TECRL: variants seen among roughly 807,000 people sequenced by gnomAD.
The protein encoded by TECRL is trans-2,3-enoyl-CoA reductase-like.
TECRL carries 63 observed loss-of-function variants against 52.8 expected under a neutral mutation model. That is an observed-to-expected ratio of 1.19 (90% CI 0.97 to 1.47). TECRL has a LOEUF of 1.47. TECRL is among the 40% of genes most tolerant of loss of function. TECRL has a pLI of 0.00. For missense variants in TECRL, 482 were observed against 429.6 expected (o/e 1.12, Z -1.08); for synonymous variants, 164 against 141.9 (o/e 1.16, Z -1.10).
At chr4:64,286,338 A>T (rs1051735067) in intron 9 of TECRL, among the ~76,000 whole-genome samples, 6 of 152,096 alleles carry the variant, frequency 3.9e-5, no homozygotes, top group Non-Finnish European at 7.4e-5. Context: ...TTTGCTTAAG[A>T]ATGTAATATT....
chr4:64,283,433 T>A (rs1234127600), intron 9 of TECRL, among the ~76,000 whole-genome samples: 4 of 152,026 alleles, frequency 2.6e-5, no homozygotes, highest in African/African-American at 9.7e-5. Flanking sequence ...TGATGGTAGG[T>A]TCAGACAGAC....
chr4:64,336,739 T>C (rs1719118101), intron 2 of TECRL, among the ~76,000 whole-genome samples: 1 of 152,200 alleles, frequency 6.6e-6, no homozygotes, highest in African/African-American at 2.4e-5. Context: ...AAGAACATCT[T>C]TATTTCTGCC....
intron 2 of TECRL, among the ~76,000 whole-genome samples, chr4:64,369,600 G>T (rs1291560888): frequency 6.6e-6 from 1 of 152,094 alleles, no homozygotes; most frequent in East Asian, 1.9e-4. Context: ...AGTGGTCATA[G>T]TACAGGGTAC....
At chr4:64,381,975 C>A (rs994873879) in intron 1 of TECRL, among the ~76,000 whole-genome samples, 1 of 151,408 alleles carries the variant, frequency 6.6e-6, no homozygotes, top group Non-Finnish European at 1.5e-5. Flanking sequence ...GAATTCCTTT[C>A]TTTTAGAATT....
At chr4:64,325,250 G>T (rs990528359) in intron 3 of TECRL, among the ~76,000 whole-genome samples, 5 of 152,140 alleles carry the variant, frequency 3.3e-5, no homozygotes, top group African/African-American at 4.8e-5. Flanking sequence ...ATGCAAAAGG[G>T]TGCTCTCACC....
chr4:64,341,927 ACACT>A (rs1246042862), intron 2 of TECRL, among the ~76,000 whole-genome samples: 2 of 129,592 alleles, frequency 1.5e-5, no homozygotes, highest in East Asian at 4.0e-4. Flanking sequence ...GCCTGATCCA[ACACT>A]CACTCACACA....
intron 2 of TECRL, among the ~76,000 whole-genome samples, chr4:64,343,189 C>G (rs987831720): frequency 6.6e-6 from 1 of 152,020 alleles, no homozygotes; most frequent in Non-Finnish European, 1.5e-5. Context: ...ATTTCTAAGA[C>G]AGAGCACCTG....
intron 2 of TECRL, among the ~76,000 whole-genome samples, chr4:64,329,454 A>G (rs1397868452): frequency 6.6e-6 from 1 of 151,894 alleles, no homozygotes; most frequent in Non-Finnish European, 1.5e-5. Flanking sequence ...CAGAGCCTCT[A>G]TTAATAGGTA....
intron 2 of TECRL, among the ~76,000 whole-genome samples, chr4:64,367,523 A>T (rs1721682247): frequency 1.3e-5 from 2 of 150,996 alleles, no homozygotes; most frequent in Non-Finnish European, 2.9e-5. Context: ...AAAGTGTCAT[A>T]TATCACATAA....
At chr4:64,383,553 T>C (rs1456455265) in intron 1 of TECRL, among the ~76,000 whole-genome samples, 1 of 151,976 alleles carries the variant, frequency 6.6e-6, no homozygotes, top group Non-Finnish European at 1.5e-5. Flanking sequence ...AAGCTCTCCA[T>C]TGTATTTTTA....
intron 1 of TECRL, among the ~76,000 whole-genome samples, chr4:64,384,396 T>A (rs376796075): frequency 6.6e-6 from 1 of 152,058 alleles, no homozygotes; most frequent in South Asian, 2.1e-4. Context: ...AGGCCCCAAG[T>A]TGGCATATGC....
intron 2 of TECRL, among the ~76,000 whole-genome samples, chr4:64,339,881 T>C (rs1719429773): frequency 6.6e-6 from 1 of 152,154 alleles, no homozygotes; most frequent in South Asian, 2.1e-4. Flanking sequence ...ATTCCTCATT[T>C]CTCCTAAATT....
At chr4:64,328,485 A>G in intron 3 of TECRL, 27 bp downstream of exon 3, 1 of 1,599,230 alleles carries the variant, frequency 6.3e-7, no homozygotes, top group African/African-American at 1.3e-5. Context: ...AAATTAAATA[A>G]ACACATCAGT....
chr4:64,356,128 C>A (rs931366320), intron 2 of TECRL, among the ~76,000 whole-genome samples: 2 of 152,140 alleles, frequency 1.3e-5, no homozygotes, highest in Non-Finnish European at 2.9e-5. Flanking sequence ...TAAAAGTCAT[C>A]GCCATTCTCT....
chr4:64,326,416 C>T (rs1194298572), intron 3 of TECRL, among the ~76,000 whole-genome samples: 1 of 152,032 alleles, frequency 6.6e-6, no homozygotes, highest in Non-Finnish European at 1.5e-5. Context: ...TACAGTATGA[C>T]CTTGTAGTTC....
intron 2 of TECRL, among the ~76,000 whole-genome samples, chr4:64,350,909 T>C (rs1720344570): frequency 6.6e-6 from 1 of 151,154 alleles, no homozygotes; most frequent in Non-Finnish European, 1.5e-5. Context: ...TCAGTGATTT[T>C]AACTAATCAG....
At chr4:64,282,664 G>A (rs1322981738) in intron 9 of TECRL, among the ~76,000 whole-genome samples, 2 of 151,988 alleles carry the variant, frequency 1.3e-5, no homozygotes, top group Non-Finnish European at 2.9e-5. Context: ...TGTAGTTTAT[G>A]AGTGTTCAGC....
rs1475281454 is a variant in TECRL, at chr4:64,309,928, C to A, written c.555G>T (p.Leu185Phe). 1 of 1,572,224 alleles carries A rather than the reference C, an allele frequency of 6.4e-7. No individual in the cohort carries two copies. The highest frequency in any genetic ancestry group is 8.6e-7 in the Non-Finnish European group (1 of 1,157,304). The change falls in exon 6 of 12, where the codon TTG becomes TTT. Residue 185 changes from leucine to phenylalanine, a missense_variant. By Grantham distance (22) the Leu-to-Phe change is conservative (BLOSUM62 0). Transcript: ENST00000381210. ...AGTGTATACAATGACAGAAGCAAGCCAAGCTGGAAAAAAAAATAAAACATA... is the reference window on the plus strand; with the variant it reads ...AGTGTATACAATGACAGAAGCAAGCAAAGCTGGAAAAAAAAATAAAACATA... ...ARRLRHPVVH[L>F]ACFCHCIHYI...
At chr4:64,406,363 A>C (rs541899769) in intron 1 of TECRL, among the ~76,000 whole-genome samples, 7 of 152,036 alleles carry the variant, frequency 4.6e-5, no homozygotes, top group African/African-American at 1.7e-4. Context: ...ATCTCATTTA[A>C]GATATTTGAT....
Sources: gnomAD v4.1 joint callset for allele counts (sites outside exome capture counted in the v4.1 genomes callset) on GRCh38, gnomAD v4.1.1 for gene constraint, MANE v1.5 for transcripts, NCBI Gene and HGNC (gene_info 2026-07-23, HGNC 2026-07-21) for gene names.